The following CLTC variants were observed in gnomAD, a reference collection of about 807,000 sequenced individuals.
CLTC encodes clathrin heavy chain, also known as clathrin heavy chain 1.
In CLTC, 16 loss-of-function variants were observed where a neutral mutation model predicts 195.8. The ratio of observed to expected loss-of-function variants is 0.08; its 90% CI spans 0.06 to 0.12. The LOEUF is 0.12. Among genes scored for constraint, CLTC ranks in the 10% least tolerant of loss-of-function variants. The pLI is 1.00. For synonymous variants in CLTC, 667 were observed against 689.4 expected (o/e 0.97, Z 0.51); for missense variants, 796 against 2,027.0 (o/e 0.39, Z 11.66).
At chr17:59,647,702 T>G in intron 3 of CLTC, 36 bp downstream of exon 3, 1 of 1,567,668 alleles carries the variant, frequency 6.4e-7, no homozygotes, top group Non-Finnish European at 8.8e-7. Context: ...AAGAAGAGGT[T>G]TAGAACACGG....
chr17:59,636,228 C>T (rs2031856672), intron 1 of CLTC, among the ~76,000 whole-genome samples: 1 of 152,130 alleles, frequency 6.6e-6, no homozygotes, highest in Admixed American at 6.5e-5. Flanking sequence ...ACACTAAGTG[C>T]TTGATGTGTG....
At position 59,648,152 on chromosome 17, in the gene CLTC, A is replaced by G. The variant is rs2032242730; in HGVS notation, c.520-88A>G. 2.5e-6 allele frequency: 3 copies of G among 1,206,268 alleles called. No individual in the cohort carries two copies. The highest frequency in any genetic ancestry group is 3.5e-6 in the Non-Finnish European group (3 of 860,498). The allele number at this position is 1,206,268 out of a possible 1,614,324, so 74.7% of individuals were successfully genotyped here. On this transcript the variant is annotated intron_variant, in intron 3 of 31. Transcript: ENST00000269122. The surrounding 1 kb of genome is among the most constrained non-coding windows in gnomAD (Gnocchi z 4.5). ...AATTATAAATCCTGCTAAAGATGAC[A>G]AAGCATTCTAATTATTTCATTACTT...
intron 1 of CLTC, among the ~76,000 whole-genome samples, chr17:59,623,259 T>C (rs1334391511): frequency 1.3e-5 from 2 of 152,162 alleles, no homozygotes; most frequent in African/African-American, 4.8e-5. Flanking sequence ...TTAGTTCGGA[T>C]TGTGAATAGA....
Position 59,681,628 on chromosome 17 carries a change from T to A in CLTC, c.3250-19T>A, listed in dbSNP as rs1044515117. On this transcript the variant is annotated intron_variant, in intron 20 of 31. Transcript: ENST00000269122. This position sits in a 1 kb window ranked among gnomAD's most constrained non-coding sequence, Gnocchi z 5.0. The stretch of plus-strand genomic sequence containing the variant: ...GGATTGATTTTACTCTAACCCTAAT[T>A]TCAAACTTGGATACTTAGGTCTTAA... 9.4e-6 allele frequency: 15 copies of A among 1,599,906 alleles called. No individual in the cohort carries two copies. The highest frequency in any genetic ancestry group is 5.4e-5 in the African/African-American group (4 of 74,426).
intron 1 of CLTC, among the ~76,000 whole-genome samples, chr17:59,637,017 G>T (rs986165797): frequency 6.7e-6 from 1 of 148,414 alleles, no homozygotes; most frequent in Non-Finnish European, 1.5e-5. Flanking sequence ...CTTGACCTCA[G>T]GTAATCCACC....
chr17:59,656,665 A>G (rs2032473975), intron 6 of CLTC, among the ~76,000 whole-genome samples: 1 of 104,388 alleles, frequency 9.6e-6, no homozygotes, highest in East Asian at 3.3e-4. Context: ...TTATTATTTT[A>G]ATTTTTTTTT....
intron 1 of CLTC, among the ~76,000 whole-genome samples, chr17:59,641,006 C>T (rs2032013761): frequency 6.6e-6 from 1 of 151,550 alleles, no homozygotes; most frequent in African/African-American, 2.4e-5. Flanking sequence ...GTAGTCCCAG[C>T]TACTTGGGAG....
At position 59,685,261 on chromosome 17, in the gene CLTC, C is replaced by T. The variant is rs374041543; in HGVS notation, c.4605+35C>T. ...GTTGCGGGGCAGGGGCTGTTTTAAA[C>T]CAGGCCTAAAATGGTGTTACAAGTG... On this transcript the variant is annotated intron_variant, in intron 29 of 31. Transcript: ENST00000269122. This position sits in a 1 kb window ranked among gnomAD's most constrained non-coding sequence, Gnocchi z 5.0. 3 of 1,542,258 alleles carry T rather than the reference C, an allele frequency of 1.9e-6. No homozygotes were observed. Among genetic ancestry groups the T allele is most frequent in the Admixed American group, 2.0e-5 (1 of 51,176 alleles).
At chr17:59,640,483 G>A (rs2031995983) in intron 1 of CLTC, among the ~76,000 whole-genome samples, 1 of 150,972 alleles carries the variant, frequency 6.6e-6, no homozygotes, top group South Asian at 2.1e-4. Flanking sequence ...TGCAACCTCC[G>A]CCTCCCGGGT....
At chr17:59,688,089 G>A (rs2033222293) in intron 30 of CLTC, among the ~76,000 whole-genome samples, 3 of 152,190 alleles carry the variant, frequency 2.0e-5, no homozygotes, top group Admixed American at 2.0e-4. Flanking sequence ...AAGGCAGTTA[G>A]AAAGCGTGTG....
chr17:59,654,563 C>T (rs1030471952), intron 5 of CLTC, among the ~76,000 whole-genome samples: 3 of 151,976 alleles, frequency 2.0e-5, no homozygotes, highest in Non-Finnish European at 4.4e-5. Flanking sequence ...TCACTGCAAC[C>T]TCCGCCTCCG....
At chr17:59,639,990 GGTATA>G (rs1261834528) in intron 1 of CLTC, among the ~76,000 whole-genome samples, 5 of 151,922 alleles carry the variant, frequency 3.3e-5, no homozygotes, top group Admixed American at 6.6e-5. Context: ...CAGTTTCTGT[GGTATA>G]GCTTATATGC....
At chr17:59,637,926 G>A (rs1319412371) in intron 1 of CLTC, among the ~76,000 whole-genome samples, 1 of 149,526 alleles carries the variant, frequency 6.7e-6, no homozygotes, top group African/African-American at 2.5e-5. Context: ...AGAAAAAAAA[G>A]AATTGGAAGT....
chr17:59,640,799 T>A (rs917512461), intron 1 of CLTC, among the ~76,000 whole-genome samples: 11 of 152,068 alleles, frequency 7.2e-5, no homozygotes, highest in East Asian at 1.9e-4. Flanking sequence ...TGTGCTTTTT[T>A]AATATGTTTA....
intron 1 of CLTC, among the ~76,000 whole-genome samples, chr17:59,630,925 G>T (rs1345152173): frequency 1.1e-4 from 16 of 152,172 alleles, no homozygotes; most frequent in Admixed American, 1.0e-3. Flanking sequence ...CTTAGAAGTG[G>T]AATTGCTGGG....
rs935089534 is a variant in CLTC, at chr17:59,666,526, G to A, written c.1829G>A (p.Arg610Gln). The change falls in exon 12 of 32, where the codon CGG (arginine) becomes CAG (glutamine). Residue 610 changes from arginine (R) to glutamine (Q), a missense_variant. Physicochemically the swap from Arg to Gln is conservative, Grantham distance 43. Transcript: ENST00000269122. The surrounding 1 kb of genome is among the most constrained non-coding windows in gnomAD (Gnocchi z 4.9). ...LGNQMFTHYDRAHIAQLCEKA... is the reference protein window; with the variant it reads ...LGNQMFTHYDQAHIAQLCEKA... ...AATCAGATGTTCACACATTATGACC[G>A]GGCTCATATTGCTCAACTGTGTGAA... The A allele has an allele frequency of 1.2e-6, 2 of 1,613,864 alleles. No homozygotes were observed. The highest frequency in any genetic ancestry group is 1.3e-5 in the African/African-American group (1 of 74,888).
chr17:59,658,696 TG>T (rs1443871768), intron 6 of CLTC: 3 of 152,258 alleles, frequency 2.0e-5, no homozygotes, highest in Non-Finnish European at 2.9e-5. Flanking sequence ...GAGCCTTTTC[TG>T]TTTCCTGTAG....
chr17:59,676,882 T>C, intron 16 of CLTC, 72 bp from the exon 17 acceptor site: 1 of 1,107,460 alleles, frequency 9.0e-7, no homozygotes, highest in Admixed American at 2.0e-5. Flanking sequence ...GGTATTTACA[T>C]AGTTAGCATG....
chr17:59,633,657 T>C (rs1320156084), intron 1 of CLTC, among the ~76,000 whole-genome samples: 1 of 55,738 alleles, frequency 1.8e-5, no homozygotes, highest in African/African-American at 5.1e-5. Context: ...TCCCTCAGTA[T>C]AGGGTAGAAA....
Sources: allele counts gnomAD v4.1 joint callset (sites outside exome capture counted in the v4.1 genomes callset), GRCh38; gene constraint gnomAD v4.1.1; non-coding constraint Gnocchi (gnomAD v3.1); transcripts MANE v1.5; gene names NCBI Gene and HGNC (gene_info 2026-07-23, HGNC 2026-07-21).